The following SPAG16 variants were observed in gnomAD, a reference collection of about 807,000 sequenced individuals.
SPAG16 encodes sperm associated antigen 16.
SPAG16 carries 86 observed loss-of-function variants against 80.4 expected under a neutral mutation model. The ratio of observed to expected loss-of-function variants is 1.07; its 90% confidence interval spans 0.90 to 1.28. The LOEUF is 1.28. SPAG16 is among the 50% of genes most tolerant of loss of function. The pLI is 0.00. For synonymous variants in SPAG16, 294 were observed against 265.9 expected (o/e 1.11, Z -1.03); for missense variants, 870 against 765.3 (o/e 1.14, Z -1.61).
At chr2:213,753,203 G>A (rs1332072322) in intron 10 of SPAG16, among the ~76,000 whole-genome samples, 2 of 152,046 alleles carry the variant, frequency 1.3e-5, no homozygotes, top group Non-Finnish European at 2.9e-5. Context: ...TAGTAGAGAT[G>A]GGGTTTCACT....
chr2:213,438,464 A>G (rs1339048109), intron 9 of SPAG16, among the ~76,000 whole-genome samples: 17 of 152,250 alleles, frequency 1.1e-4, no homozygotes, highest in African/African-American at 4.8e-5. Flanking sequence ...GAACATAGAT[A>G]TAGCCATTTA....
intron 13 of SPAG16, among the ~76,000 whole-genome samples, chr2:214,040,106 A>G (rs1370099504): frequency 6.6e-6 from 1 of 152,214 alleles, no homozygotes; most frequent in African/African-American, 2.4e-5. Flanking sequence ...AGCTTCTGCA[A>G]TAGTGATGTT....
chr2:213,946,043 C>T (rs973433198), intron 12 of SPAG16, among the ~76,000 whole-genome samples: 17 of 152,298 alleles, frequency 1.1e-4, no homozygotes, highest in African/African-American at 3.4e-4. Context: ...TAGGTACTTA[C>T]ATACTTTTCA....
At chr2:214,359,301 G>C (rs755977305) in intron 15 of SPAG16, among the ~76,000 whole-genome samples, 2 of 151,636 alleles carry the variant, frequency 1.3e-5, no homozygotes, top group Non-Finnish European at 2.9e-5. Context: ...AAATTGGGGG[G>C]GTTTAAACTC....
At chr2:213,724,461 A>G (rs1391655208) in intron 10 of SPAG16, among the ~76,000 whole-genome samples, 1 of 152,120 alleles carries the variant, frequency 6.6e-6, no homozygotes, top group Non-Finnish European at 1.5e-5. Flanking sequence ...GTATTTCCAG[A>G]GTAGGTCAAA....
Position 214,280,399 on chromosome 2 carries a change from AT to A in SPAG16, c.1721-129740del, listed in dbSNP as rs1254027117. Among the ~76,000 whole-genome samples the A allele has an allele frequency of 2.0e-5, 3 of 152,342 alleles. No homozygotes were observed. The East Asian group carries it at 5.8e-4, about 29-fold the overall frequency. ...TTAAAACTCGTATGGAAATAAAAAA[AT>A]ATAGAATCACTATAACAACTTTGAA... On this transcript the variant is annotated intron_variant, in intron 15 of 15. Coordinates refer to ENST00000331683, the MANE Select transcript of SPAG16 (RefSeq NM_024532.5).
At chr2:213,926,025 G>GTTC (rs2078459154) in intron 11 of SPAG16, among the ~76,000 whole-genome samples, 1 of 151,900 alleles carries the variant, frequency 6.6e-6, no homozygotes. Flanking sequence ...CAAACATGTG[G>GTTC]TTCTAGGTCT....
chr2:213,956,795 G>A (rs1252074897), intron 12 of SPAG16, among the ~76,000 whole-genome samples: 3 of 152,010 alleles, frequency 2.0e-5, no homozygotes, highest in African/African-American at 4.8e-5. Context: ...TTTCCCCTTA[G>A]CATGGCTTTC....
chr2:213,992,238 T>C (rs1329863645), intron 12 of SPAG16, among the ~76,000 whole-genome samples: 1 of 152,182 alleles, frequency 6.6e-6, no homozygotes, highest in Non-Finnish European at 1.5e-5. Flanking sequence ...TACCAGAACC[T>C]TACCGAGAAT....
chr2:213,835,786 G>A (rs903841849), intron 10 of SPAG16, among the ~76,000 whole-genome samples: 3 of 152,066 alleles, frequency 2.0e-5, no homozygotes, highest in African/African-American at 4.8e-5. Context: ...CCATAACTAT[G>A]TGAATAGTTT....
chr2:214,017,836 A>T (rs924336544), intron 13 of SPAG16, among the ~76,000 whole-genome samples: 1 of 152,210 alleles, frequency 6.6e-6, no homozygotes, highest in Non-Finnish European at 1.5e-5. Context: ...ATTAAAATGT[A>T]TATCACTACA....
At chr2:214,031,238 C>T (rs1007124405) in intron 13 of SPAG16, among the ~76,000 whole-genome samples, 1 of 151,578 alleles carries the variant, frequency 6.6e-6, no homozygotes, top group Non-Finnish European at 1.5e-5. Flanking sequence ...CACATATGCA[C>T]CATGGAATAC....
intron 10 of SPAG16, among the ~76,000 whole-genome samples, chr2:213,574,147 G>T (rs1190792612): frequency 1.5e-4 from 23 of 152,084 alleles, no homozygotes; most frequent in Admixed American, 1.5e-3. Context: ...CTACTTGTAG[G>T]TTATATGCTA....
At chr2:213,460,497 A>C (rs1559154738) in intron 9 of SPAG16, among the ~76,000 whole-genome samples, 1 of 152,200 alleles carries the variant, frequency 6.6e-6, no homozygotes. Flanking sequence ...CTAATGTTGC[A>C]GGGAACCTCA....
At chr2:213,919,207 T>C (rs2078101301) in intron 11 of SPAG16, among the ~76,000 whole-genome samples, 2 of 152,314 alleles carry the variant, frequency 1.3e-5, no homozygotes, top group South Asian at 4.1e-4. Flanking sequence ...CTTGGTTTTG[T>C]ATCTTATTAA....
intron 13 of SPAG16, among the ~76,000 whole-genome samples, chr2:214,080,045 A>G (rs899039615): frequency 6.6e-6 from 1 of 152,156 alleles, no homozygotes; most frequent in African/African-American, 2.4e-5. Flanking sequence ...CCTAACAGAA[A>G]TATCTCAGTT....
At chr2:214,080,134 A>G (rs1465454111) in intron 13 of SPAG16, among the ~76,000 whole-genome samples, 6 of 152,204 alleles carry the variant, frequency 3.9e-5, no homozygotes, top group African/African-American at 1.4e-4. Context: ...TAAATGACAC[A>G]TACAGGGCAG....
chr2:213,470,592 A>G lies in SPAG16; in HGVS notation c.943-19371A>G, dbSNP rs1400482995. Reference sequence around the variant, plus strand: ...TCAGTGTTGGTCTCTGCTGCTGGCAAATTGGGCACTCAGCAGTGCCCATAG... The same window carrying G: ...TCAGTGTTGGTCTCTGCTGCTGGCAGATTGGGCACTCAGCAGTGCCCATAG... On this transcript the variant is annotated intron_variant, in intron 9 of 15. Coordinates refer to ENST00000331683, the MANE Select transcript of SPAG16 (RefSeq NM_024532.5). Among the ~76,000 whole-genome samples the G allele has an allele frequency of 2.6e-5, 4 of 152,284 alleles. No individual in the cohort carries two copies. In the East Asian group the frequency reaches 7.7e-4, roughly 29 times the overall value.
intron 10 of SPAG16, among the ~76,000 whole-genome samples, chr2:213,774,164 T>A (rs1007748529): frequency 2.0e-5 from 3 of 152,208 alleles, no homozygotes; most frequent in Non-Finnish European, 4.4e-5. Context: ...ACTATTTTTC[T>A]TTTGCCTATT....
Sources: allele counts gnomAD v4.1 joint callset (sites outside exome capture counted in the v4.1 genomes callset), GRCh38; gene constraint gnomAD v4.1.1; transcripts MANE v1.5; gene names NCBI Gene and HGNC (gene_info 2026-07-23, HGNC 2026-07-21).